Variants in ATRAID observed in about 807,000 individuals in gnomAD.
The protein encoded by ATRAID is all-trans retinoic acid induced differentiation factor.
In ATRAID, 26 loss-of-function variants were observed where a neutral mutation model predicts 28.8. That is an observed-to-expected ratio of 0.90 (90% CI 0.66 to 1.25). ATRAID has a LOEUF of 1.25. Ranked by LOEUF, ATRAID falls within the 50% of genes most tolerant of loss-of-function variation. The pLI is 0.00. For missense variants in ATRAID, 308 were observed against 285.9 expected (o/e 1.08, Z -0.56); for synonymous variants, 131 against 108.5 (o/e 1.21, Z -1.29).
rs1674704522 is a variant in ATRAID at position 27,213,576 on chromosome 2, C to T, written c.221+278C>T. The T allele has an allele frequency of 1.0e-5, 3 of 299,576 alleles. 1 individual carries two copies. The highest frequency in any genetic ancestry group is 1.8e-4 in the South Asian group (2 of 11,198). 18.6% of individuals were successfully genotyped at this position (299,576 alleles called of 1,614,324 possible). ...TTTGCTTCCATTCTCTTCTTTCCTT[C>T]ATCTACCTAAATACTTCTCTGTATT... On this transcript the variant is annotated intron_variant, in intron 2 of 6. Coordinates refer to ENST00000380171, the MANE Select transcript of ATRAID (RefSeq NM_001170795.4).
rs764155704 is a variant in ATRAID at position 27,215,684 on chromosome 2, A to G, written c.418A>G (p.Ile140Val). Reference protein sequence around the residue: ...CPGGINAWNTITSYIDNQICQ... With the variant: ...CPGGINAWNTVTSYIDNQICQ... Reference sequence around the variant, plus strand: ...TGGAGGAATTAATGCCTGGAATACTATCACCTCTTATATAGACAACCAAAT... The same window carrying G: ...TGGAGGAATTAATGCCTGGAATACTGTCACCTCTTATATAGACAACCAAAT... The change falls in exon 5 of 7, where the codon ATC (isoleucine) becomes GTC (valine). Residue 140 changes from isoleucine (I) to valine (V), a missense_variant. Physicochemically the swap from Ile to Val is conservative, Grantham distance 29. Coordinates refer to ENST00000380171, the MANE Select transcript of ATRAID (RefSeq NM_001170795.4). 7 of 1,614,096 alleles carry G rather than the reference A, an allele frequency of 4.3e-6. No individual in the cohort carries two copies. Among genetic ancestry groups the G allele is most frequent in the African/African-American group, 2.7e-5 (2 of 74,926 alleles).
rs181370429 is a variant in ATRAID at position 27,215,267 on chromosome 2, G to A, written c.222-54G>A. On this transcript the variant is annotated intron_variant, in intron 2 of 6. Coordinates refer to ENST00000380171, the MANE Select transcript of ATRAID (RefSeq NM_001170795.4). ...TGTGTAGTCAAATACAAACTGTGCC[G>A]TGGCTGAAGAAAAAGAGGAACACAC... The A allele has an allele frequency of 2.1e-5, 33 of 1,562,120 alleles. No homozygotes were observed. In the East Asian group the frequency reaches 3.6e-4, roughly 17 times the overall value.
intron 2 of ATRAID, among the ~76,000 whole-genome samples, chr2:27,214,671 G>A (rs1674756191): frequency 6.6e-6 from 1 of 152,176 alleles, no homozygotes; most frequent in South Asian, 2.1e-4. Flanking sequence ...GACCAACATG[G>A]TGAAACCCCG....
chr2:27,214,628 C>T (rs1275535), intron 2 of ATRAID, among the ~76,000 whole-genome samples: 86,066 of 151,964 alleles, frequency 0.57, 27,918 homozygotes, highest in East Asian at 0.86. Context: ...CCCAGATGGG[C>T]GGATCACGAG....
In ATRAID at chr2:27,212,093, G is replaced by A. The variant is rs1674575165; in HGVS notation, c.-276G>A. The A allele has an allele frequency of 1.4e-6, 2 of 1,415,216 alleles. No homozygotes were observed. Among genetic ancestry groups the A allele is most frequent in the African/African-American group, 1.5e-5 (1 of 65,894 alleles). 87.7% of individuals were successfully genotyped at this position (1,415,216 alleles called of 1,614,324 possible). ...GTCCGGACGCGGGGAACACCGGGCT[G>A]AGGGAGTCTGCAGTCGGCTCCGGGA... On this transcript the variant is annotated 5_prime_UTR_variant, in exon 1 of 7. Coordinates refer to ENST00000380171, the MANE Select transcript of ATRAID (RefSeq NM_001170795.4).
intron 5 of ATRAID, among the ~76,000 whole-genome samples, chr2:27,216,082 GC>G (rs1674817017): frequency 6.6e-6 from 1 of 152,212 alleles, no homozygotes; most frequent in African/African-American, 2.4e-5. Flanking sequence ...AGTTAGGAGT[GC>G]TGTTTTGCGG....
intron 1 of ATRAID, chr2:27,212,815 A>G (rs1484854848): frequency 1.1e-5 from 6 of 543,910 alleles, no homozygotes; most frequent in Non-Finnish European, 1.5e-5. Flanking sequence ...GTAATGCTTG[A>G]TGAGTTCTTT....
intron 2 of ATRAID, 28 bp downstream of exon 2, chr2:27,213,326 G>A (rs368522499): frequency 1.2e-6 from 2 of 1,605,736 alleles, no homozygotes; most frequent in Non-Finnish European, 1.7e-6. Flanking sequence ...CTAGATGCTG[G>A]ATACAGGCCA....
In ATRAID at chr2:27,216,616, G is replaced by T. The variant is rs375386400; in HGVS notation, c.581G>T (p.Arg194Leu). 13 of 1,612,704 alleles carry T rather than the reference G, an allele frequency of 8.1e-6. No homozygotes were observed. The highest frequency in any genetic ancestry group is 1.1e-5 in the Non-Finnish European group (13 of 1,178,792). Reference sequence around the variant, plus strand: ...GGTTTCCATGGATACAAGTGTATGCGCCAGGTGAGGAATTAGGCCGTCTAA... The same window carrying T: ...GGTTTCCATGGATACAAGTGTATGCTCCAGGTGAGGAATTAGGCCGTCTAA... ...ADGFHGYKCMRQGSFSLLMFF... is the reference protein window; with the variant it reads ...ADGFHGYKCMLQGSFSLLMFF... The change falls in exon 6 of 7, where the codon CGC (arginine) becomes CTC (leucine). Residue 194 changes from arginine to leucine, a missense_variant. Transcript: ENST00000380171.
At chr2:27,212,598 GC>G in intron 1 of ATRAID, 131 bp downstream of exon 1, 1 of 1,443,050 alleles carries the variant, frequency 6.9e-7, no homozygotes, top group Middle Eastern at 2.5e-4. Flanking sequence ...TCCCGACCCT[GC>G]CCAGCCAGGT....
chr2:27,213,519 T>G lies in ATRAID; in HGVS notation c.221+221T>G, dbSNP rs772257615. ...TTCCTATTAAGCATTTCCTACTGAG[T>G]GCACCCTAACTTCAAACTCAAAATG... On this transcript the variant is annotated intron_variant, in intron 2 of 6. Transcript: ENST00000380171. The G allele has an allele frequency of 1.9e-4, 80 of 425,102 alleles. 1 individual carries two copies. The Middle Eastern group carries it at 2.5e-3, about 13-fold the overall frequency. 26.3% of individuals were successfully genotyped at this position (425,102 alleles called of 1,614,324 possible).
chr2:27,215,174 T>C, intron 2 of ATRAID, 147 bp from the exon 3 acceptor site: 2 of 734,668 alleles, frequency 2.7e-6, no homozygotes, highest in Non-Finnish European at 4.5e-6. Flanking sequence ...AGAATTAAAA[T>C]GTCTACCACA....
chr2:27,215,434 G>A (rs1410752134), intron 3 of ATRAID, 40 bp from the exon 4 acceptor site: 4 of 1,614,078 alleles, frequency 2.5e-6, no homozygotes, highest in Non-Finnish European at 3.4e-6. Flanking sequence ...CTAATATAAT[G>A]TAGGTTGATG....
At position 27,212,046 on chromosome 2, in the gene ATRAID, T is replaced by C. The variant is rs1674569520; in HGVS notation, c.-323T>C. On this transcript the variant is annotated 5_prime_UTR_variant, in exon 1 of 7. Transcript: ENST00000380171. ...GAGGGCGGATGGAGGGGCCCGAGTT[T>C]CTGCGAAGCCGCGACCTCGGCGTCC... is the stretch of plus-strand genomic sequence containing the variant. The C allele has an allele frequency of 4.1e-6, 4 of 973,744 alleles. No homozygotes were observed. Among genetic ancestry groups the C allele is most frequent in the Non-Finnish European group, 5.8e-6 (4 of 685,798 alleles). The allele number at this position is 973,744 out of a possible 1,614,324, so 60.3% of individuals were successfully genotyped here. A position where few individuals can be genotyped will look rare whatever the true frequency, so the allele number is the denominator to read the frequency against.
chr2:27,214,802 A>C (rs1674760224), intron 2 of ATRAID, among the ~76,000 whole-genome samples: 1 of 152,250 alleles, frequency 6.6e-6, no homozygotes, highest in Non-Finnish European at 1.5e-5. Flanking sequence ...CAGTGAGCCG[A>C]GATCGTGCCA....
intron 5 of ATRAID, 123 bp downstream of exon 5, chr2:27,215,876 T>C (rs1418247589): frequency 2.3e-6 from 3 of 1,315,952 alleles, no homozygotes; most frequent in Non-Finnish European, 3.1e-6. Flanking sequence ...TATAACCCCT[T>C]TGAAAGAAAA....
intron 1 of ATRAID, 111 bp from the exon 2 acceptor site, chr2:27,213,066 C>T (rs1249114412): frequency 1.5e-6 from 2 of 1,373,608 alleles, no homozygotes; most frequent in Non-Finnish European, 2.0e-6. Context: ...ATTTATCGGC[C>T]CCGTGTTAGA....
At position 27,212,343 on chromosome 2, in the gene ATRAID, G is replaced by C; in HGVS notation, c.-26G>C. 2.6e-6 allele frequency: 4 copies of C among 1,549,554 alleles called. No homozygotes were observed. Among genetic ancestry groups the C allele is most frequent in the Non-Finnish European group, 3.5e-6 (4 of 1,146,346 alleles). On this transcript the variant is annotated 5_prime_UTR_variant, in exon 1 of 7. Transcript: ENST00000380171. ...GGGGCCGCGGGGCCGGGTCGCGCGA[G>C]CAGCGGAGCACCAAGGGAACGGAAA...
intron 1 of ATRAID, chr2:27,212,776 A>G (rs963223191): frequency 2.7e-6 from 2 of 735,092 alleles, no homozygotes; most frequent in South Asian, 2.3e-5. Flanking sequence ...CGAACGCCAT[A>G]TATCGTGCGG....
Sources: allele counts gnomAD v4.1 joint callset (sites outside exome capture counted in the v4.1 genomes callset), GRCh38; gene constraint gnomAD v4.1.1; transcripts MANE v1.5; gene names NCBI Gene and HGNC (gene_info 2026-07-23, HGNC 2026-07-21).